The following ANKRD30BL variants were observed in gnomAD, a reference collection of about 807,000 sequenced individuals.
ANKRD30BL encodes putative ankyrin repeat domain-containing protein 30B-like.
In ANKRD30BL, 20 loss-of-function variants were observed where a neutral mutation model predicts 18.4. The observed-to-expected ratio is 1.09, with a 90% CI of 0.77 to 1.58. The LOEUF (loss-of-function observed/expected upper bound fraction) is 1.58, where lower values mean the gene tolerates loss of function less well. Among genes scored for constraint, ANKRD30BL ranks in the 40% most tolerant of loss-of-function variants. ANKRD30BL has a pLI of 0.00. For missense variants in ANKRD30BL, 224 were observed against 268.6 expected (o/e 0.83, Z 1.16); for synonymous variants, 72 against 100.9 (o/e 0.71, Z 1.72).
intron 1 of ANKRD30BL, among the ~76,000 whole-genome samples, chr2:132,160,090 T>C (rs1190377890): frequency 6.6e-6 from 1 of 152,158 alleles, no homozygotes; most frequent in Non-Finnish European, 1.5e-5. Flanking sequence ...TCAGCTGTTA[T>C]CAAATAATTT....
In ANKRD30BL at chr2:132,220,776, C is replaced by T. The variant is rs555623094; in HGVS notation, n.441+36753G>A. On this transcript the variant is annotated intron_variant and non_coding_transcript_variant, in intron 1 of 4. Coordinates refer to the ANKRD30BL transcript ENST00000470729. ...AAGAGCCGAGATTGCAGCCTCTGCC[C>T]GGCCGCCACCCCGTCTGGGAAGTGA... Among the ~76,000 whole-genome samples the T allele has an allele frequency of 2.1e-4, 31 of 150,980 alleles. No homozygotes were observed. The East Asian group carries it at 4.4e-3, about 21-fold the overall frequency.
intron 1 of ANKRD30BL, among the ~76,000 whole-genome samples, chr2:132,208,967 A>T (rs1370727779): frequency 6.6e-6 from 1 of 152,044 alleles, no homozygotes; most frequent in Non-Finnish European, 1.5e-5. Flanking sequence ...GCAAGTGGAT[A>T]TTTGGAGCGC....
intron 1 of ANKRD30BL, among the ~76,000 whole-genome samples, chr2:132,181,792 G>A (rs1221452779): frequency 2.0e-5 from 3 of 152,182 alleles, no homozygotes; most frequent in Admixed American, 6.5e-5. Context: ...TGAAGAACAT[G>A]ACAGGATGAA....
intron 1 of ANKRD30BL, among the ~76,000 whole-genome samples, chr2:132,170,196 A>G (rs1437608924): frequency 4.6e-5 from 7 of 152,196 alleles, no homozygotes; most frequent in Non-Finnish European, 1.0e-4. Flanking sequence ...GTAGGACAAC[A>G]TATTATTATT....
chr2:132,254,984 T>C (rs1362664487), intron 1 of ANKRD30BL, among the ~76,000 whole-genome samples: 1 of 152,158 alleles, frequency 6.6e-6, no homozygotes, highest in Non-Finnish European at 1.5e-5. Flanking sequence ...GCTCCACTCC[T>C]GGTGGTGCCC....
Position 132,159,650 on chromosome 2 carries a change from G to A in ANKRD30BL, c.218+1838C>T, listed in dbSNP as rs558801050. ...TTAAGTGAATTATCTATAAAATGAC[G>A]ATTTAAAAATCTAATATGTATACAC... On this transcript the variant is annotated intron_variant, in intron 1 of 5. Coordinates refer to ENST00000409867, the MANE Select transcript of ANKRD30BL (RefSeq NM_001358416.1). 1.3e-4 allele frequency among the ~76,000 whole-genome samples: 20 copies of A among 152,148 alleles called. No homozygotes were observed. In the South Asian group the frequency reaches 4.1e-3, roughly 32 times the overall value.
chr2:132,232,610 T>C (rs1680054130), intron 1 of ANKRD30BL, among the ~76,000 whole-genome samples: 1 of 151,536 alleles, frequency 6.6e-6, no homozygotes, highest in Admixed American at 6.6e-5. Context: ...ATGAATGAAA[T>C]GAAGCGAGAA....
At chr2:132,191,270 T>A (rs1449985963) in intron 1 of ANKRD30BL, among the ~76,000 whole-genome samples, 28 of 152,272 alleles carry the variant, frequency 1.8e-4, no homozygotes, top group Non-Finnish European at 2.9e-5. Flanking sequence ...TATTTTATTC[T>A]ATTGTATGGA....
intron 1 of ANKRD30BL, among the ~76,000 whole-genome samples, chr2:132,183,654 G>T (rs1015508496): frequency 6.6e-6 from 1 of 151,940 alleles, no homozygotes; most frequent in African/African-American, 2.4e-5. Flanking sequence ...GGAGATTCAG[G>T]ATAGTGGTGG....
intron 3 of ANKRD30BL, chr2:132,155,568 A>C (rs1274271347): frequency 6.6e-6 from 1 of 152,172 alleles, no homozygotes; most frequent in Admixed American, 6.5e-5. Context: ...GGTTTATCCT[A>C]TTACCAGACA....
chr2:132,248,593 G>A (rs1223301827), intron 1 of ANKRD30BL, among the ~76,000 whole-genome samples: 1 of 152,062 alleles, frequency 6.6e-6, no homozygotes, highest in East Asian at 1.9e-4. Context: ...GAAATCTTCT[G>A]TCTAGTTTTT....
intron 1 of ANKRD30BL, among the ~76,000 whole-genome samples, chr2:132,214,580 T>G (rs1369363603): frequency 6.6e-6 from 1 of 152,018 alleles, no homozygotes; most frequent in East Asian, 1.9e-4. Flanking sequence ...GAACCTTCCT[T>G]TTGATTAAGC....
At chr2:132,201,225 A>G (rs1027408946) in intron 1 of ANKRD30BL, among the ~76,000 whole-genome samples, 1 of 152,226 alleles carries the variant, frequency 6.6e-6, no homozygotes, top group South Asian at 2.1e-4. Context: ...CATTCAGGAC[A>G]TAGGCATGGG....
intron 1 of ANKRD30BL, among the ~76,000 whole-genome samples, chr2:132,186,702 T>A (rs564518605): frequency 6.6e-6 from 1 of 152,338 alleles, no homozygotes; most frequent in South Asian, 2.1e-4. Context: ...TTTTATTTTC[T>A]CACACATACT....
At chr2:132,243,189 C>T (rs115160886) in intron 1 of ANKRD30BL, among the ~76,000 whole-genome samples, 1,659 of 151,398 alleles carry the variant, frequency 0.011, 29 homozygotes, top group African/African-American at 0.037. Flanking sequence ...ACATTTGGAA[C>T]GATTTGAGAT....
At chr2:132,219,452 G>T (rs113886376) in intron 1 of ANKRD30BL, among the ~76,000 whole-genome samples, 2 of 137,114 alleles carry the variant, frequency 1.5e-5, no homozygotes, top group African/African-American at 6.5e-5. Flanking sequence ...ACATTTGGAG[G>T]GCTTTAAGCC....
At chr2:132,155,009 T>C (rs1289667765) in intron 3 of ANKRD30BL, 2 of 329,850 alleles carry the variant, frequency 6.1e-6, no homozygotes, top group African/African-American at 4.3e-5. Flanking sequence ...GATTTTATTG[T>C]TTCCCATGTA....
upstream of ANKRD30BL, among the ~76,000 whole-genome samples, chr2:132,162,209 C>T (rs562247646): frequency 6.6e-6 from 1 of 152,122 alleles, no homozygotes; most frequent in Non-Finnish European, 1.5e-5. Context: ...TCCAGGGTGG[C>T]GCTGAGCGTC....
intron 1 of ANKRD30BL, among the ~76,000 whole-genome samples, chr2:132,222,958 G>A (rs955200779): frequency 6.0e-5 from 9 of 148,928 alleles, no homozygotes; most frequent in African/African-American, 2.2e-4. Context: ...AAACTAGACA[G>A]AAGTATTCTC....
Sources: gnomAD v4.1 joint callset for allele counts (sites outside exome capture counted in the v4.1 genomes callset) on GRCh38, gnomAD v4.1.1 for gene constraint, MANE v1.5 for transcripts, NCBI Gene and HGNC (gene_info 2026-07-23, HGNC 2026-07-21) for gene names.